The following PPP2R5C variants were observed in gnomAD, a reference collection of about 807,000 sequenced individuals.
PPP2R5C encodes serine/threonine-protein phosphatase 2A 56 kDa regulatory subunit gamma isoform.
PPP2R5C carries 7 observed loss-of-function variants against 68.9 expected under a neutral mutation model. That is an observed-to-expected ratio of 0.10 (90% confidence interval 0.06 to 0.19). The LOEUF is 0.19. PPP2R5C is among the 10% of genes least tolerant of loss of function. The pLI, the probability that PPP2R5C is intolerant of heterozygous loss-of-function variation, is 1.00. For synonymous variants in PPP2R5C, 210 were observed against 222.2 expected, an observed-to-expected ratio of 0.95 and a Z score of 0.49; for missense variants, 348 against 641.3, an observed-to-expected ratio of 0.54 and a Z score of 4.94.
rs115760070 is a variant in PPP2R5C at position 101,883,344 on chromosome 14, T to C, written c.493T>C (p.Leu165=). The C allele has an allele frequency of 3.8e-4, 608 of 1,603,832 alleles. 4 individuals carry two copies. The African/African-American group carries it at 7.7e-3, about 20-fold the overall frequency. ...GAAATATATTGATCAGAAGTTTGTA[T>C]TGCAGGTAAGGTACAAATTAGCTGA... is the stretch of plus-strand genomic sequence containing the variant. Residue 165 remains leucine (L), a synonymous_variant, in exon 4 of 14, where the codon TTG becomes CTG. Transcript: ENST00000334743.
intron 1 of PPP2R5C, among the ~76,000 whole-genome samples, chr14:101,822,088 C>CA (rs1452927201): frequency 9.9e-4 from 138 of 138,902 alleles, no homozygotes; most frequent in African/African-American, 2.8e-3. Context: ...TGCCCCCCCC[C>CA]CACACACACA....
intron 8 of PPP2R5C, among the ~76,000 whole-genome samples, chr14:101,895,974 G>A (rs2045295408): frequency 1.3e-5 from 2 of 152,112 alleles, no homozygotes. Context: ...ATTCTCACCA[G>A]TGCTGATGCT....
At chr14:101,778,863 C>T (rs544629394) in intron 2 of PPP2R5C, among the ~76,000 whole-genome samples, 1 of 152,218 alleles carries the variant, frequency 6.6e-6, no homozygotes, top group African/African-American at 2.4e-5. Flanking sequence ...AGTTCAAGAC[C>T]TGCCTGGACA....
At chr14:101,836,177 G>A (rs746278321) in intron 1 of PPP2R5C, 1 of 700,538 alleles carries the variant, frequency 1.4e-6, no homozygotes, top group South Asian at 1.5e-5. Flanking sequence ...AGTTGAGGCT[G>A]TGAAGCTGGG....
intron 2 of PPP2R5C, among the ~76,000 whole-genome samples, chr14:101,764,938 TATATC>T (rs2036775048): frequency 6.6e-6 from 1 of 152,240 alleles, no homozygotes; most frequent in South Asian, 2.1e-4. Context: ...TCAGTGTGTA[TATATC>T]ATTTATTTCT....
chr14:101,844,002 G>T, intron 1 of PPP2R5C: 1 of 155,304 alleles, frequency 6.4e-6, no homozygotes, highest in South Asian at 1.9e-4. Context: ...ACCGTAATCG[G>T]ACTACCTTCA....
intron 3 of PPP2R5C, among the ~76,000 whole-genome samples, chr14:101,789,430 T>G (rs1199182363): frequency 6.6e-6 from 1 of 152,214 alleles, no homozygotes; most frequent in East Asian, 1.9e-4. Flanking sequence ...CAGTGCATGC[T>G]GGGTGGGTAC....
At chr14:101,889,706 C>CGT (rs1442747043) in intron 5 of PPP2R5C, 5 of 293,744 alleles carry the variant, frequency 1.7e-5, no homozygotes, top group Non-Finnish European at 3.3e-5. Flanking sequence ...ACGGAGGATG[C>CGT]GTGTGGGTGT....
At chr14:101,909,864 G>T (rs552233094) in intron 11 of PPP2R5C, among the ~76,000 whole-genome samples, 174 bp downstream of exon 13, 2 of 152,310 alleles carry the variant, frequency 1.3e-5, no homozygotes, top group East Asian at 3.9e-4. Context: ...TGAAAGAACA[G>T]GTGTTTAAAG....
chr14:101,911,728 C>T (rs146959844), intron 11 of PPP2R5C, among the ~76,000 whole-genome samples: 21 of 152,002 alleles, frequency 1.4e-4, no homozygotes, highest in African/African-American at 4.6e-4. Flanking sequence ...ACTAAAAGTA[C>T]GAAAATTAGC....
chr14:101,797,650 A>G lies in PPP2R5C; in HGVS notation c.259+11467A>G. 5.6e-6 allele frequency: 1 copy of G among 177,906 alleles called. No individual in the cohort carries two copies. Among genetic ancestry groups the G allele is most frequent in the Non-Finnish European group, 1.2e-5 (1 of 83,178 alleles). The allele number at this position is 177,906 out of a possible 1,614,324, so 11.0% of individuals were successfully genotyped here. A position where few individuals can be genotyped will look rare whatever the true frequency, so the allele number is the denominator to read the frequency against. ...TTGACCTACTGCGTAGGCTCCTAAAAGGGTGTCGGCAAGTTGGCAAGTTAA... is the reference window on the plus strand; with the variant it reads ...TTGACCTACTGCGTAGGCTCCTAAAGGGGTGTCGGCAAGTTGGCAAGTTAA... On this transcript the variant is annotated intron_variant, in intron 3 of 14. Coordinates refer to the PPP2R5C transcript ENST00000328724. This position sits in a 1 kb window ranked among gnomAD's most constrained non-coding sequence, Gnocchi z 4.2.
intron 5 of PPP2R5C, 122 bp downstream of exon 7, chr14:101,883,684 C>A: frequency 7.5e-7 from 1 of 1,324,904 alleles, no homozygotes; most frequent in Non-Finnish European, 1.0e-6. Context: ...TTCTCAAAGC[C>A]TATTTGTCAT....
chr14:101,845,391 G>A (rs2041762452), intron 1 of PPP2R5C, among the ~76,000 whole-genome samples: 1 of 152,068 alleles, frequency 6.6e-6, no homozygotes, highest in African/African-American at 2.4e-5. Flanking sequence ...CTTTTCCGAG[G>A]AAAGCAGCCT....
intron 2 of PPP2R5C, chr14:101,765,118 T>C (rs2036783968): frequency 1.4e-6 from 1 of 702,280 alleles, no homozygotes; most frequent in Admixed American, 2.0e-5. Flanking sequence ...AGTGCCTGAG[T>C]ATGATGCCCC....
In PPP2R5C at chr14:101,888,581, T is replaced by G. The variant is rs1422216748; in HGVS notation, c.630-1656T>G. On this transcript the variant is annotated intron_variant, in intron 5 of 13. Coordinates refer to ENST00000334743, the Ensembl canonical transcript of PPP2R5C. This position sits in a 1 kb window ranked among gnomAD's most constrained non-coding sequence, Gnocchi z 5.6. ...GCAGATCTCAGTTTTTCTGTTGTGT[T>G]GTTTTGTTTTGTTTTGTTTTGTTTT... Among the ~76,000 whole-genome samples, 2 of 137,518 alleles carry G rather than the reference T, an allele frequency of 1.5e-5. No homozygotes were observed. Among genetic ancestry groups the G allele is most frequent in the Non-Finnish European group, 3.3e-5 (2 of 60,502 alleles). 90.2% of individuals were successfully genotyped at this position (137,518 alleles called of 152,430 possible).
At chr14:101,856,482 C>G (rs919449115) in intron 1 of PPP2R5C, among the ~76,000 whole-genome samples, 1 of 152,174 alleles carries the variant, frequency 6.6e-6, no homozygotes, top group Non-Finnish European at 1.5e-5. Context: ...AAAACTTCCT[C>G]ATACCAAACA....
At chr14:101,847,570 A>G (rs2140476441) in intron 1 of PPP2R5C, among the ~76,000 whole-genome samples, 1 of 151,966 alleles carries the variant, frequency 6.6e-6, no homozygotes, top group Admixed American at 6.5e-5. Flanking sequence ...ATCTATCATC[A>G]GTGCCTAGCA....
intron 5 of PPP2R5C, 45 bp downstream of exon 7, chr14:101,883,607 C>G (rs1454093651): frequency 6.3e-7 from 1 of 1,598,770 alleles, no homozygotes. Flanking sequence ...TGGTGATGCT[C>G]ATTTCCCCCC....
chr14:101,827,517 A>T (rs1438679975), intron 1 of PPP2R5C, among the ~76,000 whole-genome samples: 1 of 152,124 alleles, frequency 6.6e-6, no homozygotes, highest in Non-Finnish European at 1.5e-5. Context: ...GACAACACTG[A>T]TCTGCTGCCA....
Sources: gnomAD v4.1 joint callset for allele counts (sites outside exome capture counted in the v4.1 genomes callset) on GRCh38, gnomAD v4.1.1 for gene constraint, Gnocchi (gnomAD v3.1) non-coding constraint, MANE v1.5 for transcripts, NCBI Gene and HGNC (gene_info 2026-07-23, HGNC 2026-07-21) for gene names.